Variants in ANKH observed in about 807,000 individuals in gnomAD.
ANKH encodes the protein ANKH inorganic pyrophosphate transport regulator.
ANKH carries 15 observed loss-of-function variants against 49.0 expected under a neutral mutation model. The ratio of observed to expected loss-of-function variants is 0.31; its 90% CI spans 0.20 to 0.47. ANKH has a LOEUF of 0.47. Ranked by LOEUF, ANKH falls within the 20% of genes least tolerant of loss-of-function variation. The pLI, the probability that ANKH is intolerant of heterozygous loss-of-function variation, is 1.00. For synonymous variants in ANKH, 273 were observed against 260.0 expected, an observed-to-expected ratio of 1.05 and a Z score of -0.48; for missense variants, 429 against 652.0, an observed-to-expected ratio of 0.66 and a Z score of 3.72.
chr5:14,806,705 G>A (rs572475035), intron 1 of ANKH, among the ~76,000 whole-genome samples: 4 of 152,250 alleles, frequency 2.6e-5, no homozygotes, highest in African/African-American at 9.6e-5. Context: ...CTTCTATTAC[G>A]TGTGATCTGT....
chr5:14,778,644 C>A (rs180899029), intron 1 of ANKH, among the ~76,000 whole-genome samples: 2 of 152,192 alleles, frequency 1.3e-5, no homozygotes, highest in African/African-American at 4.8e-5. Flanking sequence ...GTCACTCTCT[C>A]GACTCCCCAC....
chr5:14,712,692 T>G (rs1001944652), intron 11 of ANKH, among the ~76,000 whole-genome samples, 182 bp downstream of exon 11: 3 of 152,158 alleles, frequency 2.0e-5, no homozygotes, highest in Admixed American at 6.5e-5. Context: ...CTTCAGCTTT[T>G]CCCCTTTTTT....
intron 1 of ANKH, among the ~76,000 whole-genome samples, chr5:14,784,186 T>C (rs1189688724): frequency 6.6e-6 from 1 of 152,250 alleles, no homozygotes; most frequent in African/African-American, 2.4e-5. Flanking sequence ...ATTGGTTTTA[T>C]CTAACAAGGT....
chr5:14,847,141 C>A (rs2270560), intron 1 of ANKH, among the ~76,000 whole-genome samples: 17,490 of 151,968 alleles, frequency 0.12, 1,435 homozygotes, highest in East Asian at 0.44. Flanking sequence ...AGCCAGTAAA[C>A]TACTAAAGAC....
At chr5:14,811,279 C>T (rs1740876402) in intron 1 of ANKH, among the ~76,000 whole-genome samples, 1 of 152,148 alleles carries the variant, frequency 6.6e-6, no homozygotes, top group African/African-American at 2.4e-5. Context: ...GACCAATAAC[C>T]ACAGCACAGC....
intron 1 of ANKH, among the ~76,000 whole-genome samples, chr5:14,804,072 T>A (rs1740636519): frequency 6.6e-6 from 1 of 152,158 alleles, no homozygotes; most frequent in Admixed American, 6.5e-5. Context: ...ATTTTTGTAT[T>A]GTTAGTAGAG....
chr5:14,856,131 G>A (rs1215797837), intron 1 of ANKH, among the ~76,000 whole-genome samples: 2 of 151,844 alleles, frequency 1.3e-5, no homozygotes, highest in Non-Finnish European at 1.5e-5. Context: ...ACCAGCCTGG[G>A]TAACATGGCA....
At chr5:14,808,385 G>A (rs567850280) in intron 1 of ANKH, among the ~76,000 whole-genome samples, 7 of 152,266 alleles carry the variant, frequency 4.6e-5, no homozygotes, top group Admixed American at 3.9e-4. Flanking sequence ...ATGATTTGGG[G>A]ATGTCTTTTG....
chr5:14,866,815 G>A (rs1735658504), intron 1 of ANKH, among the ~76,000 whole-genome samples: 1 of 152,040 alleles, frequency 6.6e-6, no homozygotes, highest in Non-Finnish European at 1.5e-5. Context: ...GAACTTCTTG[G>A]TCATAATATC....
Position 14,711,280 on chromosome 5 carries a change from C to G in ANKH, c.1396G>C (p.Glu466Gln). ...TCTGTCATGGCAGAGTCTTCCCCCT[C>G]CGTGGCCGACTCATTCTCCATCTTC... Reference protein sequence around the residue: ...KKKMENESATEGEDSAMTDMP... With the variant: ...KKKMENESATQGEDSAMTDMP... The change falls in exon 12 of 12, where the codon GAG becomes CAG. Residue 466 changes from glutamate to glutamine, a missense_variant. Glu to Gln is a conservative substitution (Grantham distance 29). This residue lies in a region of ANKH where 51 missense variants were observed against 36.7 expected (regional missense o/e 1.39). Transcript: ENST00000284268. 6.2e-7 allele frequency: 1 copy of G among 1,614,184 alleles called. No individual in the cohort carries two copies. The highest frequency in any genetic ancestry group is 8.5e-7 in the Non-Finnish European group (1 of 1,180,018).
chr5:14,796,461 A>G (rs970620377), intron 1 of ANKH, among the ~76,000 whole-genome samples: 11 of 134,050 alleles, frequency 8.2e-5, no homozygotes, highest in Non-Finnish European at 1.6e-4. Context: ...GTTAAAAAAA[A>G]AAAACACACA....
intron 1 of ANKH, among the ~76,000 whole-genome samples, chr5:14,838,690 G>C (rs1250535540): frequency 6.6e-6 from 1 of 152,200 alleles, no homozygotes; most frequent in Admixed American, 6.5e-5. Context: ...CTTAATTCCA[G>C]CTGGATTATT....
intron 1 of ANKH, among the ~76,000 whole-genome samples, chr5:14,794,096 G>A (rs1740295467): frequency 6.6e-6 from 1 of 152,226 alleles, no homozygotes; most frequent in African/African-American, 2.4e-5. Flanking sequence ...CGTAGACAGA[G>A]TCAATGCAAC....
intron 8 of ANKH, chr5:14,717,207 T>G: frequency 7.0e-6 from 2 of 287,266 alleles, no homozygotes; most frequent in South Asian, 7.8e-5. Context: ...ATTCATATAA[T>G]TTTTACAGCT....
intron 8 of ANKH, among the ~76,000 whole-genome samples, chr5:14,739,890 A>G (rs547657879): frequency 6.6e-6 from 1 of 152,240 alleles, no homozygotes; most frequent in Non-Finnish European, 1.5e-5. Context: ...ACTTCAAGTC[A>G]CAGATGGTTT....
At chr5:14,805,485 T>TACAA (rs1740682879) in intron 1 of ANKH, among the ~76,000 whole-genome samples, 1 of 132,138 alleles carries the variant, frequency 7.6e-6, no homozygotes, top group Non-Finnish European at 1.6e-5. Context: ...GTTTATAGGA[T>TACAA]ACACACACAC....
intron 8 of ANKH, 81 bp from the exon 9 acceptor site, chr5:14,716,916 T>G (rs1215823597): frequency 6.4e-7 from 1 of 1,571,274 alleles, no homozygotes; most frequent in Admixed American, 1.7e-5. Context: ...GGCACAATCC[T>G]TGGAGAGTTA....
intron 11 of ANKH, 100 bp from the exon 12 acceptor site, chr5:14,711,410 C>T (rs1737198789): frequency 1.2e-5 from 12 of 992,962 alleles, no homozygotes; most frequent in Non-Finnish European, 1.9e-5. Context: ...GGGGACCCCT[C>T]ACTGTAGGCT....
rs1554006446 is a variant in ANKH, at chr5:14,793,037, A to ATATATATAT, written c.97-23847_97-23846insATATATATA. On this transcript the variant is annotated intron_variant, in intron 1 of 11. Transcript: ENST00000284268. ...ATATATATAAATATATATATATAAA[A>ATATATATAT]ATATATATATAAATATATATAAAAT... Among the ~76,000 whole-genome samples the ATATATATAT allele has an allele frequency of 2.0e-4, 11 of 56,202 alleles. No individual in the cohort carries two copies. In the South Asian group the frequency reaches 3.2e-3, roughly 16 times the overall value. The allele number at this position is 56,202 out of a possible 152,430, so 36.9% of individuals were successfully genotyped here.
Sources: gnomAD v4.1 joint callset for allele counts (sites outside exome capture counted in the v4.1 genomes callset) on GRCh38, gnomAD v4.1.1 for gene constraint, gnomAD v4.1.1 regional missense constraint, MANE v1.5 for transcripts, NCBI Gene and HGNC (gene_info 2026-07-23, HGNC 2026-07-21) for gene names.